The following CEP192 variants were observed in gnomAD, a reference collection of about 807,000 sequenced individuals.
The protein encoded by CEP192 is centrosomal protein 192.
A neutral mutation model predicts 271.8 loss-of-function variants in CEP192; 151 were observed. That is an observed-to-expected ratio of 0.56 (90% CI 0.49 to 0.64). The LOEUF is 0.64. Ranked by LOEUF, CEP192 falls within the 30% of genes least tolerant of loss-of-function variation. CEP192 has a pLI of 0.00. For missense variants in CEP192, 2,910 were observed against 3,020.5 expected (o/e 0.96, Z 0.86); for synonymous variants, 995 against 1,076.5 (o/e 0.92, Z 1.48).
In CEP192 at chr18:13,105,076, A is replaced by G; in HGVS notation, c.7044A>G (p.Gln2348=). Residue 2348 remains glutamine, a synonymous_variant, in exon 40 of 45, where the codon CAA becomes CAG. Transcript: ENST00000506447. ...GTCTGCTGGAAAGCCATGGGATCCA[A>G]AAAGTAGGTTTTGATATTTTTTTCC... is the stretch of plus-strand genomic sequence containing the variant. ...ISGLLESHGI[Q]KVSITFLPRG... 6 of 1,610,672 alleles carry G rather than the reference A, an allele frequency of 3.7e-6. No homozygotes were observed. Among genetic ancestry groups the G allele is most frequent in the South Asian group, 1.1e-5 (1 of 91,014 alleles).
chr18:13,030,584 A>T lies in CEP192; in HGVS notation c.1510A>T (p.Met504Leu), dbSNP rs2143551978. The change falls in exon 11 of 45, where the codon ATG becomes TTG. Residue 504 changes from methionine (M) to leucine (L), a missense_variant. Met to Leu is a conservative substitution (Grantham distance 15). Transcript: ENST00000506447. ...TTTAAATGTGTCTCTAAGTGATGAG[A>T]TGAATGAAGACTTCAGATCTGGTTG... ...QNLNVSLSDE[M>L]NEDFRSGSEA... The T allele has an allele frequency of 5.0e-6, 8 of 1,610,254 alleles. No homozygotes were observed. Among genetic ancestry groups the T allele is most frequent in the African/African-American group, 4.0e-5 (3 of 74,924 alleles).
At position 13,068,378 on chromosome 18, in the gene CEP192, T is replaced by C; in HGVS notation, c.4778T>C (p.Ile1593Thr). 1 of 1,612,826 alleles carries C rather than the reference T, an allele frequency of 6.2e-7. No homozygotes were observed. Among genetic ancestry groups the C allele is most frequent in the Middle Eastern group, 1.7e-4 (1 of 5,878 alleles). The change falls in exon 24 of 45, where the codon ATT (isoleucine) becomes ACT (threonine). Residue 1593 changes from isoleucine to threonine, a missense_variant. Coordinates refer to ENST00000506447, the MANE Select transcript of CEP192 (RefSeq NM_032142.4). ...YDGQDPEFLMIWVLFHSPKKQ... is the reference protein window; with the variant it reads ...YDGQDPEFLMTWVLFHSPKKQ... ...TTATAGGATCCAGAATTTCTGATGA[T>C]TTGGGTTCTTTTCCATAGTCCAAAG...
At chr18:13,080,168 G>A (rs1402336348) in intron 30 of CEP192, among the ~76,000 whole-genome samples, 3 of 152,120 alleles carry the variant, frequency 2.0e-5, no homozygotes, top group Non-Finnish European at 2.9e-5. Flanking sequence ...TTCCAATTCT[G>A]TGAAGAAAGT....
chr18:13,078,066 C>T (rs1331706921), intron 30 of CEP192, among the ~76,000 whole-genome samples: 1 of 152,170 alleles, frequency 6.6e-6, no homozygotes, highest in African/African-American at 2.4e-5. Flanking sequence ...GGTATTTCTC[C>T]TAATGCTATT....
chr18:13,022,904 T>G (rs1040668386), intron 9 of CEP192, among the ~76,000 whole-genome samples: 2 of 152,252 alleles, frequency 1.3e-5, no homozygotes, highest in Non-Finnish European at 2.9e-5. Flanking sequence ...TTATATATAT[T>G]TTGTTAGATT....
Position 13,124,786 on chromosome 18 carries a change from G to A in CEP192, c.*16G>A, listed in dbSNP as rs1568456668. 1 of 1,578,286 alleles carries A rather than the reference G, an allele frequency of 6.3e-7. No homozygotes were observed. Among genetic ancestry groups the A allele is most frequent in the Non-Finnish European group, 8.7e-7 (1 of 1,150,566 alleles). On this transcript the variant is annotated 3_prime_UTR_variant, in exon 45 of 45. Coordinates refer to ENST00000506447, the MANE Select transcript of CEP192 (RefSeq NM_032142.4). ...AAAAAATTAACTAGAATACATTTTT[G>A]TGTAAAGTAAATTACATAAGTTGTA... is the stretch of plus-strand genomic sequence containing the variant.
intron 13 of CEP192, among the ~76,000 whole-genome samples, chr18:13,039,296 C>G (rs550687689): frequency 1.4e-4 from 21 of 151,928 alleles, no homozygotes; most frequent in African/African-American, 4.8e-4. Context: ...TCTACCAAAA[C>G]TATAAAAAAT....
At chr18:13,009,361 T>G (rs975115657) in intron 4 of CEP192, among the ~76,000 whole-genome samples, 1 of 152,224 alleles carries the variant, frequency 6.6e-6, no homozygotes, top group East Asian at 1.9e-4. Context: ...CAAGCCTATT[T>G]TTAGTGCATC....
intron 21 of CEP192, among the ~76,000 whole-genome samples, chr18:13,060,648 G>A (rs1165147108): frequency 6.6e-6 from 1 of 152,040 alleles, no homozygotes; most frequent in Non-Finnish European, 1.5e-5. Flanking sequence ...ATTTCACCTG[G>A]GCACTGGCAC....
At chr18:13,113,821 C>T in intron 41 of CEP192, 116 bp downstream of exon 41, 3 of 987,766 alleles carry the variant, frequency 3.0e-6, no homozygotes, top group African/African-American at 1.7e-5. Flanking sequence ...TCTTAATTTT[C>T]TTGTTTGTCT....
chr18:13,075,811 G>A (rs2038242024), intron 30 of CEP192, among the ~76,000 whole-genome samples: 1 of 152,134 alleles, frequency 6.6e-6, no homozygotes, highest in Admixed American at 6.5e-5. Context: ...AGAGATACGT[G>A]GCCGTGATCG....
chr18:13,050,507 A>G (rs1052157405), intron 17 of CEP192, among the ~76,000 whole-genome samples: 57 of 152,130 alleles, frequency 3.7e-4, no homozygotes, highest in African/African-American at 1.3e-3. Context: ...ATGACTCCTT[A>G]TGGATGCCTC....
intron 39 of CEP192, among the ~76,000 whole-genome samples, chr18:13,104,131 GCTGTCTCCTAGCC>G: frequency 6.6e-6 from 1 of 152,344 alleles, no homozygotes; most frequent in South Asian, 2.1e-4. Context: ...TCCATTTAAT[GCTGTCTCCTAGCC>G]CTGATTTTAT....
Position 13,008,494 on chromosome 18 carries a change from G to A in CEP192, c.329G>A (p.Arg110His), listed in dbSNP as rs1230632984. 9 of 1,550,790 alleles carry A rather than the reference G, an allele frequency of 5.8e-6. No individual in the cohort carries two copies. Among genetic ancestry groups the A allele is most frequent in the South Asian group, 1.2e-5 (1 of 83,906 alleles). Residue 110 changes from arginine to histidine, a missense_variant, in exon 4 of 45, where the codon CGT (arginine) becomes CAT (histidine). Transcript: ENST00000506447. ...AAAAAGAGCTATGTGGAAAGTCAAC[G>A]TTTGTCAAATGCTCTCAGCAAACAG... is the stretch of plus-strand genomic sequence containing the variant. ...SRKKSYVESQ[R>H]LSNALSKQSA...
intron 6 of CEP192, 50 bp downstream of exon 6, chr18:13,015,498 T>C (rs2034591645): frequency 1.3e-6 from 2 of 1,533,566 alleles, no homozygotes; most frequent in East Asian, 4.9e-5. Flanking sequence ...GCCACTCCAC[T>C]TTATTCTTCT....
intron 13 of CEP192, among the ~76,000 whole-genome samples, chr18:13,039,624 G>A (rs577668369): frequency 5.9e-5 from 9 of 152,268 alleles, no homozygotes; most frequent in South Asian, 4.1e-4. Context: ...AGGGTAGGCA[G>A]GTATGAAGGG....
intron 13 of CEP192, among the ~76,000 whole-genome samples, chr18:13,039,243 T>C (rs1269935292): frequency 6.6e-6 from 1 of 151,968 alleles, no homozygotes; most frequent in Non-Finnish European, 1.5e-5. Flanking sequence ...TCACTTGAGG[T>C]CAGGAGTTCG....
intron 40 of CEP192, among the ~76,000 whole-genome samples, chr18:13,112,935 G>T (rs2040268248): frequency 6.6e-6 from 1 of 152,152 alleles, no homozygotes; most frequent in Non-Finnish European, 1.5e-5. Flanking sequence ...TAAAGCTAAG[G>T]CTCTTAATAT....
At chr18:13,024,235 A>G in intron 9 of CEP192, 3 of 446,692 alleles carry the variant, frequency 6.7e-6, no homozygotes, top group Non-Finnish European at 1.3e-5. Context: ...CTATATCATT[A>G]TGTAGTACCC....
Sources: allele counts gnomAD v4.1 joint callset (sites outside exome capture counted in the v4.1 genomes callset), GRCh38; gene constraint gnomAD v4.1.1; transcripts MANE v1.5; gene names NCBI Gene and HGNC (gene_info 2026-07-23, HGNC 2026-07-21).